The following PALLD variants were observed in gnomAD, a reference collection of about 807,000 sequenced individuals.
PALLD encodes the protein palladin.
A neutral mutation model predicts 123.5 loss-of-function variants in PALLD; 61 were observed. That is an observed-to-expected ratio of 0.49 (90% CI 0.40 to 0.61). The LOEUF (loss-of-function observed/expected upper bound fraction) is 0.61. Among genes scored for constraint, PALLD ranks in the 20% least tolerant of loss-of-function variants. The pLI is 0.00. For missense variants in PALLD, 1,273 were observed against 1,377.0 expected, an observed-to-expected ratio of 0.92 and a Z score of 1.20; for synonymous variants, 465 against 496.4, an observed-to-expected ratio of 0.94 and a Z score of 0.84.
At chr4:168,503,334 C>T (rs760851287) in intron 1 of PALLD, among the ~76,000 whole-genome samples, 1 of 152,266 alleles carries the variant, frequency 6.6e-6, no homozygotes, top group South Asian at 2.1e-4. Flanking sequence ...AGAAAGTTTT[C>T]AAGGATGAAC....
At chr4:168,809,863 C>CAAA (rs71588165) in intron 10 of PALLD, among the ~76,000 whole-genome samples, 77 of 132,584 alleles carry the variant, frequency 5.8e-4, no homozygotes, top group Non-Finnish European at 7.3e-4. Flanking sequence ...GACTCTGTCT[C>CAAA]AAAAAAAAAA....
chr4:168,786,759 T>TAA (rs1491458651), intron 10 of PALLD, among the ~76,000 whole-genome samples: 4 of 152,240 alleles, frequency 2.6e-5, no homozygotes, highest in Admixed American at 2.6e-4. Flanking sequence ...TTCAGAATAT[T>TAA]ATATGCACAC....
intron 18 of PALLD, among the ~76,000 whole-genome samples, chr4:168,922,279 C>G (rs568515861): frequency 6.6e-6 from 1 of 151,958 alleles, no homozygotes; most frequent in Non-Finnish European, 1.5e-5. Context: ...CTTTGAGAAG[C>G]CTAAAAGGAA....
chr4:168,884,002 G>C (rs1752997384), intron 10 of PALLD, among the ~76,000 whole-genome samples: 1 of 149,756 alleles, frequency 6.7e-6, no homozygotes, highest in Non-Finnish European at 1.5e-5. Flanking sequence ...TTCCTAATGA[G>C]TTGCTACTCT....
At chr4:168,596,349 A>T (rs945126013) in intron 2 of PALLD, among the ~76,000 whole-genome samples, 2 of 152,172 alleles carry the variant, frequency 1.3e-5, no homozygotes, top group Non-Finnish European at 2.9e-5. Flanking sequence ...ATCCAGAAAC[A>T]TCTTAATGAA....
intron 10 of PALLD, among the ~76,000 whole-genome samples, chr4:168,777,731 G>A (rs192206200): frequency 6.6e-6 from 1 of 152,302 alleles, no homozygotes; most frequent in South Asian, 2.1e-4. Context: ...CCGTTTAGCA[G>A]TAACTTACTT....
chr4:168,771,896 A>G lies in PALLD; in HGVS notation c.1964+59973A>G, dbSNP rs80167610. ...GTTGTCACTCAGCTTGCTAATCAAGAGAGAACCCCAGAAAGAGTATTTAGG... is the reference window on the plus strand; with the variant it reads ...GTTGTCACTCAGCTTGCTAATCAAGGGAGAACCCCAGAAAGAGTATTTAGG... On this transcript the variant is annotated intron_variant, in intron 10 of 21. Coordinates refer to ENST00000505667, the MANE Select transcript of PALLD (RefSeq NM_001166108.2). Among the ~76,000 whole-genome samples the G allele has an allele frequency of 7.4e-3, 1,128 of 152,314 alleles. 16 individuals are homozygous for G. The highest frequency in any genetic ancestry group is 0.025 in the African/African-American group (1,026 of 41,572).
At position 168,681,397 on chromosome 4, in the gene PALLD, C is replaced by A; in HGVS notation, c.1153C>A (p.Gln385Lys). Residue 385 changes from glutamine (Q) to lysine (K), a missense_variant and splice_region_variant, in exon 4 of 22, where the codon CAA becomes AAA. By Grantham distance (53) the Gln-to-Lys change is moderately conservative. Around this residue, in one of 2 missense-constraint regions of PALLD, gnomAD observed 944 missense variants for 954.5 expected, o/e 0.99. Transcript: ENST00000505667. ...CAAATCAAGAGCTGGAGCTATGCCA[C>A]AGTAAGTGCCTACAATTCCATCGAT... Reference protein sequence around the residue: ...AFKSRAGAMPQAQKKTTSVSL... With the variant: ...AFKSRAGAMPKAQKKTTSVSL... The A allele has an allele frequency of 6.3e-7, 1 of 1,583,506 alleles. No individual in the cohort carries two copies. Among genetic ancestry groups the A allele is most frequent in the Non-Finnish European group, 8.7e-7 (1 of 1,152,400 alleles).
intron 10 of PALLD, among the ~76,000 whole-genome samples, chr4:168,783,759 G>T (rs1456282669): frequency 1.3e-5 from 2 of 152,180 alleles, no homozygotes; most frequent in African/African-American, 4.8e-5. Flanking sequence ...GTGGGGATTG[G>T]TTGATAAGAT....
rs768764133 is a variant in PALLD, at chr4:168,527,783, C to T, written c.908+15371C>T. On this transcript the variant is annotated intron_variant, in intron 2 of 21. Coordinates refer to ENST00000505667, the MANE Select transcript of PALLD (RefSeq NM_001166108.2). ...GCTGATCTGTGTAGACTAGAACAGA[C>T]TCCTTCAGGTTTCCGGTTGGGCTAA... 2.7e-4 allele frequency among the ~76,000 whole-genome samples: 41 copies of T among 152,178 alleles called. 1 individual carries two copies. The highest frequency in any genetic ancestry group is 5.1e-4 in the Non-Finnish European group (35 of 68,042).
intron 21 of PALLD, among the ~76,000 whole-genome samples, chr4:168,925,943 C>G (rs1310568769): frequency 1.4e-5 from 2 of 141,586 alleles, no homozygotes; most frequent in Non-Finnish European, 3.1e-5. Context: ...CCAAAGGATT[C>G]CCTGTGCTGC....
At chr4:168,504,104 C>A (rs1761733569) in intron 1 of PALLD, among the ~76,000 whole-genome samples, 1 of 152,292 alleles carries the variant, frequency 6.6e-6, no homozygotes, top group Non-Finnish European at 1.5e-5. Context: ...AATAACTACG[C>A]CTGCCTCATC....
chr4:168,793,366 C>CATATATATACATATATATGTG (rs1399218993), intron 10 of PALLD, among the ~76,000 whole-genome samples: 1 of 39,756 alleles, frequency 2.5e-5, no homozygotes, highest in African/African-American at 7.8e-5. Flanking sequence ...TATATGTGTG[C>CATATATATACATATATATGTG]ATATATATCA....
intron 2 of PALLD, among the ~76,000 whole-genome samples, chr4:168,584,215 G>GT (rs10654362): frequency 0.2 from 29,801 of 147,938 alleles, 2,976 homozygotes; most frequent in Non-Finnish European, 0.21. Context: ...AGACCATCAG[G>GT]TTTTTTTTTT....
chr4:168,742,614 T>C (rs6811487), intron 10 of PALLD, among the ~76,000 whole-genome samples: 3 of 151,932 alleles, frequency 2.0e-5, no homozygotes, highest in Non-Finnish European at 4.4e-5. Context: ...TACTAAGTTA[T>C]TAGAACAGTG....
At chr4:168,640,581 A>G (rs1212640024) in intron 2 of PALLD, among the ~76,000 whole-genome samples, 1 of 152,256 alleles carries the variant, frequency 6.6e-6, no homozygotes, top group African/African-American at 2.4e-5. Flanking sequence ...TTACATGGGT[A>G]GATTCAGAGA....
intron 2 of PALLD, among the ~76,000 whole-genome samples, chr4:168,518,245 C>G (rs116350971): frequency 3.9e-4 from 60 of 152,196 alleles, no homozygotes; most frequent in Admixed American, 3.9e-3. Context: ...ATAAATGAGG[C>G]TGCACGTCAA....
At chr4:168,633,973 A>G (rs535167749) in intron 2 of PALLD, among the ~76,000 whole-genome samples, 113 of 152,334 alleles carry the variant, frequency 7.4e-4, no homozygotes, top group Admixed American at 3.9e-3. Context: ...TAAATAAACA[A>G]AAGCTCCAAT....
chr4:168,878,296 C>T lies in PALLD; in HGVS notation c.1965-12626C>T, dbSNP rs890820721. 3 of 1,527,684 alleles carry T rather than the reference C, an allele frequency of 2.0e-6. No individual in the cohort carries two copies. Among genetic ancestry groups the T allele is most frequent in the South Asian group, 2.4e-5 (2 of 83,066 alleles). 94.6% of individuals were successfully genotyped at this position (1,527,684 alleles called of 1,614,324 possible). A position where few individuals can be genotyped will look rare whatever the true frequency, so the allele number is the denominator to read the frequency against. ...CGTCGCCTGCCACCCGCTTCGGCCA[C>T]AGCCAGACGCCCGCGGCCTTCCTCA... On this transcript the variant is annotated intron_variant, in intron 10 of 21. Transcript: ENST00000505667.
Sources: gnomAD v4.1 joint callset for allele counts (sites outside exome capture counted in the v4.1 genomes callset) on GRCh38, gnomAD v4.1.1 for gene constraint, gnomAD v4.1.1 regional missense constraint, MANE v1.5 for transcripts, NCBI Gene and HGNC (gene_info 2026-07-23, HGNC 2026-07-21) for gene names.